ATP8B3: variants seen among roughly 807,000 people sequenced by gnomAD.
The protein encoded by ATP8B3 is ATPase phospholipid transporting 8B3.
ATP8B3 carries 141 observed loss-of-function variants against 140.9 expected under a neutral mutation model. That is an observed-to-expected ratio of 1.00 (90% CI 0.87 to 1.15). The LOEUF is 1.15. Among genes scored for constraint, ATP8B3 ranks in the 50% most tolerant of loss-of-function variants. The pLI is 0.00. For synonymous variants in ATP8B3, 765 were observed against 714.6 expected (o/e 1.07, Z -1.13); for missense variants, 1,874 against 1,740.6 (o/e 1.08, Z -1.36).
rs80001158 is a variant in ATP8B3, at chr19:1,794,449, A to C, written c.2055+1426T>G. Among the ~76,000 whole-genome samples, 5,736 of 150,712 alleles carry C rather than the reference A, an allele frequency of 0.038. 352 individuals are homozygous for C. The highest frequency in any genetic ancestry group is 0.13 in the African/African-American group (5,401 of 40,952). On this transcript the variant is annotated intron_variant, in intron 18 of 28. Transcript: ENST00000310127. This position sits in a 1 kb window ranked among gnomAD's most constrained non-coding sequence, Gnocchi z 4.8. Reference sequence around the variant, plus strand: ...GGACACAGGACATCTTCCCACACACACCCCGCTGCCCTGTGCTCCATGCTG... The same window carrying C: ...GGACACAGGACATCTTCCCACACACCCCCCGCTGCCCTGTGCTCCATGCTG...
chr19:1,809,572 C>CA, intron 4 of ATP8B3, 71 bp downstream of exon 4: 2 of 1,385,170 alleles, frequency 1.4e-6, no homozygotes, highest in Non-Finnish European at 2.0e-6. Context: ...TCAGGAGGAG[C>CA]AAAAAATAGA....
chr19:1,787,248 A>T, intron 24 of ATP8B3, 62 bp from the exon 25 acceptor site: 1 of 1,407,750 alleles, frequency 7.1e-7, no homozygotes, highest in Non-Finnish European at 9.9e-7. Flanking sequence ...GGAGCCTGCC[A>T]AGCAGGCACC....
In ATP8B3 at chr19:1,785,581, A is replaced by G. The variant is rs2068279412; in HGVS notation, c.3281T>C (p.Phe1094Ser). 1 of 1,613,058 alleles carries G rather than the reference A, an allele frequency of 6.2e-7. No homozygotes were observed. Among genetic ancestry groups the G allele is most frequent in the Non-Finnish European group, 8.5e-7 (1 of 1,179,908 alleles). ...GCGGCTGATCCACAGTGTCATGAAG[A>G]AGTTGACCAGAGAGGTGGTCACACC... is the stretch of plus-strand genomic sequence containing the variant. Reference protein sequence around the residue: ...AHGVTTSLVNFFMTLWISRDT... With the variant: ...AHGVTTSLVNSFMTLWISRDT... The change falls in exon 26 of 29, where the codon TTC becomes TCC. Residue 1094 changes from phenylalanine to serine, a missense_variant. Physicochemically the swap from Phe to Ser is radical, Grantham distance 155. Transcript: ENST00000310127.
In ATP8B3 at chr19:1,792,435, C is replaced by T. The variant is rs528769264; in HGVS notation, c.2056-300G>A. On this transcript the variant is annotated intron_variant, in intron 18 of 28. Coordinates refer to ENST00000310127, the MANE Select transcript of ATP8B3 (RefSeq NM_138813.4). ...TCTCTACCCAAAATACAAAGATTAG[C>T]CAGGCATGGTGGTGGGTGCCTGTAG... Among the ~76,000 whole-genome samples the T allele has an allele frequency of 2.0e-5, 3 of 151,176 alleles. No individual in the cohort carries two copies. The East Asian group carries it at 5.9e-4, about 30-fold the overall frequency.
At chr19:1,791,928 G>C (rs778641015) in intron 19 of ATP8B3, 67 bp from the exon 20 acceptor site, 4 of 1,593,844 alleles carry the variant, frequency 2.5e-6, no homozygotes, top group Non-Finnish European at 3.4e-6. Context: ...GCGGGGGCAG[G>C]AGAGTCCCAG....
rs1008500704 is a variant in ATP8B3, at chr19:1,806,231, G to A, written c.678-62C>T. ...TCTGCCAACCCTCCCCACACCGGGA[G>A]ACCAGAGGCACGGGATGACGGGGGG... On this transcript the variant is annotated intron_variant, in intron 7 of 28. Coordinates refer to ENST00000310127, the MANE Select transcript of ATP8B3 (RefSeq NM_138813.4). This position sits in a 1 kb window ranked among gnomAD's most constrained non-coding sequence, Gnocchi z 5.6. 8 of 1,545,564 alleles carry A rather than the reference G, an allele frequency of 5.2e-6. No homozygotes were observed. The African/African-American group carries it at 1.1e-4, about 21-fold the overall frequency.
At position 1,811,573 on chromosome 19, in the gene ATP8B3, C is replaced by A. The variant is rs748787296; in HGVS notation, c.164G>T (p.Gly55Val). Residue 55 changes from glycine to valine, a missense_variant, in exon 2 of 29, where the codon GGA becomes GTA. Coordinates refer to ENST00000310127, the MANE Select transcript of ATP8B3 (RefSeq NM_138813.4). ...GGETVIRAGMGDSPGRGAPER... is the reference protein window; with the variant it reads ...GGETVIRAGMVDSPGRGAPER... ...AGGTGCCCCTCTGCCTGGGGAGTCTCCCATCCCAGCTCTGATCACCGTCTC... is the reference window on the plus strand; with the variant it reads ...AGGTGCCCCTCTGCCTGGGGAGTCTACCATCCCAGCTCTGATCACCGTCTC... 3.2e-5 allele frequency: 51 copies of A among 1,612,296 alleles called. No homozygotes were observed. The African/African-American group carries it at 6.3e-4, about 20-fold the overall frequency.
chr19:1,792,719 T>G (rs1429087257), intron 18 of ATP8B3, among the ~76,000 whole-genome samples: 1 of 151,950 alleles, frequency 6.6e-6, no homozygotes, highest in African/African-American at 2.4e-5. Context: ...TGAGACCAGC[T>G]TAACCAATAC....
chr19:1,808,684 T>C (rs7249302), intron 4 of ATP8B3, among the ~76,000 whole-genome samples: 126,387 of 152,116 alleles, frequency 0.83, 52,591 homozygotes, highest in Middle Eastern at 0.88. Flanking sequence ...CAAAGACTCA[T>C]GGAGCTGTGA....
In ATP8B3 at chr19:1,795,847, A is replaced by G. The variant is rs563371543; in HGVS notation, c.2055+28T>C. The G allele has an allele frequency of 5.1e-3, 6,416 of 1,265,230 alleles. 39 individuals carry two copies. The highest frequency in any genetic ancestry group is 6.6e-3 in the Non-Finnish European group (5,929 of 898,142). The allele number at this position is 1,265,230 out of a possible 1,614,324, so 78.4% of individuals were successfully genotyped here. A position where few individuals can be genotyped will look rare whatever the true frequency, so the allele number is the denominator to read the frequency against. Reference sequence around the variant, plus strand: ...CACACACACACACACACACACACACATAAGCCAGCCTTCCTGAAGGGACTC... The same window carrying G: ...CACACACACACACACACACACACACGTAAGCCAGCCTTCCTGAAGGGACTC... On this transcript the variant is annotated intron_variant, in intron 18 of 28. Coordinates refer to ENST00000310127, the MANE Select transcript of ATP8B3 (RefSeq NM_138813.4).
intron 14 of ATP8B3, 49 bp downstream of exon 14, chr19:1,799,898 C>G (rs376960064): frequency 2.0e-6 from 3 of 1,516,980 alleles, no homozygotes. Flanking sequence ...CACCCTGAGC[C>G]CCTTGAAGAT....
Position 1,796,734 on chromosome 19 carries a change from C to G in ATP8B3, c.1730G>C (p.Arg577Pro). 8 of 1,611,514 alleles carry G rather than the reference C, an allele frequency of 5.0e-6. No homozygotes were observed. The highest frequency in any genetic ancestry group is 5.9e-6 in the Non-Finnish European group (7 of 1,179,526). Residue 577 changes from arginine to proline, a missense_variant, in exon 16 of 29, where the codon CGG (arginine) becomes CCG (proline). By Grantham distance (103) the Arg-to-Pro change is moderately radical. This residue lies in a region of ATP8B3 where 1,032 missense variants were observed against 963.6 expected (regional missense o/e 1.07). Transcript: ENST00000310127. ...LLAICHTVMV[R>P]ESPRERPDQL... ...ACCTGGGCGCTCACGGGGGCTCTCC[C>G]GCACCATCACCGTGTGGCAGATGGC...
chr19:1,796,351 G>A (rs1600434757), intron 16 of ATP8B3, 86 bp from the exon 17 acceptor site: 1 of 1,258,132 alleles, frequency 7.9e-7, no homozygotes, highest in Non-Finnish European at 1.1e-6. Context: ...GTATCGCCTG[G>A]GCTACACCTT....
chr19:1,797,860 A>G (rs1424269782), intron 14 of ATP8B3, among the ~76,000 whole-genome samples: 1 of 152,034 alleles, frequency 6.6e-6, no homozygotes, highest in African/African-American at 2.4e-5. Flanking sequence ...GCTGCAGTGC[A>G]GTGGTGCGAT....
rs2068782561 is a variant in ATP8B3 at position 1,799,711 on chromosome 19, C to T, written c.1552+236G>A. ...CCTGGGAGGTGGAGATTGCAGTGAG[C>T]CAAGATTGCACCACTGCATTCCTGC... On this transcript the variant is annotated intron_variant, in intron 14 of 28. Coordinates refer to ENST00000310127, the MANE Select transcript of ATP8B3 (RefSeq NM_138813.4). The T allele has an allele frequency of 5.1e-6, 3 of 590,122 alleles. No individual in the cohort carries two copies. In the East Asian group the frequency reaches 8.5e-5, roughly 17 times the overall value. 36.6% of individuals were successfully genotyped at this position (590,122 alleles called of 1,614,324 possible).
intron 25 of ATP8B3, among the ~76,000 whole-genome samples, chr19:1,785,927 T>C (rs1427950618): frequency 1.3e-5 from 2 of 151,424 alleles, no homozygotes; most frequent in African/African-American, 4.9e-5. Flanking sequence ...GGCCAGGAGT[T>C]TGAGACCAGC....
chr19:1,786,508 G>C (rs1209761127), intron 25 of ATP8B3, among the ~76,000 whole-genome samples: 1 of 151,350 alleles, frequency 6.6e-6, no homozygotes, highest in Non-Finnish European at 1.5e-5. Flanking sequence ...AGAGGTTGCA[G>C]TGAGCTGAGA....
rs996993281 is a variant in ATP8B3, at chr19:1,807,957, C to T, written c.516+265G>A. ...TAGGCTGGGGAACAGCTATGCCTCCCGATGCCCAGCCCTGCCCAGCAGGAA... is the reference window on the plus strand; with the variant it reads ...TAGGCTGGGGAACAGCTATGCCTCCTGATGCCCAGCCCTGCCCAGCAGGAA... On this transcript the variant is annotated intron_variant, in intron 5 of 28. Coordinates refer to ENST00000310127, the MANE Select transcript of ATP8B3 (RefSeq NM_138813.4). The surrounding 1 kb of genome is among the most constrained non-coding windows in gnomAD (Gnocchi z 5.9). Among the ~76,000 whole-genome samples, 3 of 152,216 alleles carry T rather than the reference C, an allele frequency of 2.0e-5. No homozygotes were observed. The highest frequency in any genetic ancestry group is 4.8e-5 in the African/African-American group (2 of 41,460).
chr19:1,782,672 T>C lies in ATP8B3; in HGVS notation c.*356A>G, dbSNP rs887254391. ...AAGAAATGACTGGCTCCCCAGAGGC[T>C]GTGGCTGGCTCTCAAATGACGACAG... is the stretch of plus-strand genomic sequence containing the variant. On this transcript the variant is annotated 3_prime_UTR_variant, in exon 29 of 29. Coordinates refer to ENST00000310127, the MANE Select transcript of ATP8B3 (RefSeq NM_138813.4). 20 of 289,636 alleles carry C rather than the reference T, an allele frequency of 6.9e-5. 1 individual carries two copies. Among genetic ancestry groups the C allele is most frequent in the Non-Finnish European group, 9.8e-5 (15 of 153,638 alleles). The allele number at this position is 289,636 out of a possible 1,614,324, so 17.9% of individuals were successfully genotyped here.
Sources: allele counts gnomAD v4.1 joint callset (sites outside exome capture counted in the v4.1 genomes callset), GRCh38; gene constraint gnomAD v4.1.1; regional missense constraint gnomAD v4.1.1; non-coding constraint Gnocchi (gnomAD v3.1); transcripts MANE v1.5; gene names NCBI Gene and HGNC (gene_info 2026-07-23, HGNC 2026-07-21).